Variants in TMTC1 observed in about 807,000 individuals in gnomAD.
The protein encoded by TMTC1 is protein O-mannosyl-transferase TMTC1.
A neutral mutation model predicts 104.8 loss-of-function variants in TMTC1; 73 were observed. That is an observed-to-expected ratio of 0.70 (90% CI 0.58 to 0.85). The LOEUF (loss-of-function observed/expected upper bound fraction) is 0.85. Among genes scored for constraint, TMTC1 ranks in the 40% least tolerant of loss-of-function variants. The pLI, the probability that TMTC1 is intolerant of heterozygous loss-of-function variation, is 0.00. For synonymous variants in TMTC1, 434 were observed against 428.7 expected (o/e 1.01, Z -0.15); for missense variants, 1,035 against 1,096.1 (o/e 0.94, Z 0.79).
intron 7 of TMTC1, among the ~76,000 whole-genome samples, chr12:29,590,514 T>G (rs149245311): frequency 2.0e-5 from 3 of 152,148 alleles, no homozygotes; most frequent in Non-Finnish European, 2.9e-5. Flanking sequence ...TGGCCAGGCA[T>G]GGTGGCTCAT....
intron 8 of TMTC1, among the ~76,000 whole-genome samples, chr12:29,582,489 C>T (rs1314010348): frequency 6.6e-6 from 1 of 152,226 alleles, no homozygotes; most frequent in Non-Finnish European, 1.5e-5. Context: ...TTTCCTAAGA[C>T]TTTGATGTGT....
chr12:29,742,394 A>G (rs1048581154), intron 5 of TMTC1, among the ~76,000 whole-genome samples: 18 of 152,316 alleles, frequency 1.2e-4, no homozygotes, highest in Non-Finnish European at 2.6e-4. Context: ...CTTTAATGAC[A>G]GGTCGCTCAT....
At chr12:29,507,015 A>T in intron 17 of TMTC1, 29 bp from the exon 18 acceptor site, 1 of 1,599,550 alleles carries the variant, frequency 6.3e-7, no homozygotes, top group African/African-American at 1.3e-5. Flanking sequence ...GAGCAATTAC[A>T]TTCTGATCCA....
chr12:29,511,273 A>G (rs1943828043), intron 17 of TMTC1, among the ~76,000 whole-genome samples: 1 of 151,958 alleles, frequency 6.6e-6, no homozygotes, highest in Non-Finnish European at 1.5e-5. Flanking sequence ...TCCTCCTTGT[A>G]TTAATATATC....
At chr12:29,655,020 A>C (rs1027524442) in intron 5 of TMTC1, among the ~76,000 whole-genome samples, 1 of 152,098 alleles carries the variant, frequency 6.6e-6, no homozygotes, top group African/African-American at 2.4e-5. Flanking sequence ...AGTAGCTTGG[A>C]TTACAGGCTC....
intron 9 of TMTC1, among the ~76,000 whole-genome samples, chr12:29,558,727 T>C (rs978908847): frequency 3.9e-5 from 6 of 152,206 alleles, no homozygotes; most frequent in Non-Finnish European, 5.9e-5. Context: ...CTGATCGCTT[T>C]TAATTAGCAT....
chr12:29,755,958 A>G (rs978053782), intron 3 of TMTC1, 73 bp from the exon 4 acceptor site: 13 of 1,436,824 alleles, frequency 9.0e-6, no homozygotes, highest in Non-Finnish European at 1.2e-5. Context: ...CCTCTTAAAG[A>G]TAAGATCTAA....
chr12:29,646,379 T>C (rs1408266348), intron 5 of TMTC1, among the ~76,000 whole-genome samples: 1 of 152,252 alleles, frequency 6.6e-6, no homozygotes. Context: ...TATTGGCCTT[T>C]ATGTTTCAAT....
intron 6 of TMTC1, among the ~76,000 whole-genome samples, chr12:29,617,318 T>C (rs1018952211): frequency 6.6e-6 from 1 of 152,006 alleles, no homozygotes; most frequent in African/African-American, 2.4e-5. Context: ...AAATTTCCCA[T>C]CCTCATCAAT....
intron 2 of TMTC1, among the ~76,000 whole-genome samples, chr12:29,761,386 TAAAAC>T: frequency 6.6e-6 from 1 of 152,140 alleles, no homozygotes; most frequent in Admixed American, 6.5e-5. Flanking sequence ...AGGAAGGTGA[TAAAAC>T]AAATGTGAGA....
chr12:29,736,999 TC>T (rs1942694316), intron 5 of TMTC1, among the ~76,000 whole-genome samples: 1 of 152,240 alleles, frequency 6.6e-6, no homozygotes, highest in African/African-American at 2.4e-5. Context: ...ATTGCCTCTA[TC>T]CCGCAACAGC....
At chr12:29,753,979 T>C (rs1370990929) in intron 4 of TMTC1, among the ~76,000 whole-genome samples, 1 of 152,104 alleles carries the variant, frequency 6.6e-6, no homozygotes. Flanking sequence ...CAATTCTCCT[T>C]CCTCAGCCTC....
In TMTC1 at chr12:29,667,153, A is replaced by G. The variant is rs117317315; in HGVS notation, c.939-33817T>C. ...AACAATAAAGGAAACTTAAGTGTTTATGGGTTCTCTCTTTAATGTACTTTC... is the reference window on the plus strand; with the variant it reads ...AACAATAAAGGAAACTTAAGTGTTTGTGGGTTCTCTCTTTAATGTACTTTC... On this transcript the variant is annotated intron_variant, in intron 5 of 17. Coordinates refer to ENST00000539277, the MANE Select transcript of TMTC1 (RefSeq NM_001193451.2). Among the ~76,000 whole-genome samples the G allele has an allele frequency of 1.2e-3, 186 of 152,336 alleles. 2 individuals are homozygous for G. In the East Asian group the frequency reaches 0.034, roughly 28 times the overall value.
intron 5 of TMTC1, among the ~76,000 whole-genome samples, chr12:29,714,759 C>T (rs1392580696): frequency 1.3e-5 from 2 of 152,178 alleles, no homozygotes; most frequent in Admixed American, 6.5e-5. Flanking sequence ...TTCAAATTAG[C>T]AAATGCTGGG....
chr12:29,697,971 C>A (rs1024130309), intron 5 of TMTC1, among the ~76,000 whole-genome samples: 1 of 152,026 alleles, frequency 6.6e-6, no homozygotes, highest in African/African-American at 2.4e-5. Context: ...AAGTTGATAT[C>A]CAGAAAATGT....
At chr12:29,577,616 G>A (rs2136314985) in intron 8 of TMTC1, among the ~76,000 whole-genome samples, 1 of 152,254 alleles carries the variant, frequency 6.6e-6, no homozygotes, top group Non-Finnish European at 1.5e-5. Context: ...ACAAGAGAGA[G>A]CCAAGCCTTA....
chr12:29,604,235 C>G lies in TMTC1; in HGVS notation c.1193G>C (p.Ser398Thr). 6.2e-7 allele frequency: 1 copy of G among 1,613,944 alleles called. No homozygotes were observed. Among genetic ancestry groups the G allele is most frequent in the Non-Finnish European group, 8.5e-7 (1 of 1,179,896 alleles). ...AAAACCCACCCTGAAGAAGAGGTTGCTGGCTGGAATGAACGGGAACACCAG... is the reference window on the plus strand; with the variant it reads ...AAAACCCACCCTGAAGAAGAGGTTGGTGGCTGGAATGAACGGGAACACCAG... ...LFLVFPFIPA[S>T]NLFFRVGFVV... Residue 398 changes from serine to threonine, a missense_variant, in exon 7 of 18, where the codon AGC becomes ACC. Transcript: ENST00000539277.
At position 29,633,346 on chromosome 12, in the gene TMTC1, G is replaced by A. The variant is rs111774252; in HGVS notation, c.939-10C>T. On this transcript the variant is annotated splice_polypyrimidine_tract_variant and intron_variant, in intron 5 of 17. Transcript: ENST00000539277. Reference sequence around the variant, plus strand: ...GGAATAGGTGAGGAATCTATAAAGAGAAGAAGAATCACTGAAACACTGCTC... The same window carrying A: ...GGAATAGGTGAGGAATCTATAAAGAAAAGAAGAATCACTGAAACACTGCTC... 11 of 1,589,998 alleles carry A rather than the reference G, an allele frequency of 6.9e-6. No homozygotes were observed. The African/African-American group carries it at 8.1e-5, about 12-fold the overall frequency.
At chr12:29,704,169 T>A (rs2136810753) in intron 5 of TMTC1, among the ~76,000 whole-genome samples, 1 of 152,344 alleles carries the variant, frequency 6.6e-6, no homozygotes, top group South Asian at 2.1e-4. Flanking sequence ...TTTTACCAAC[T>A]TCAGTAATAG....
Sources: gnomAD v4.1 joint callset for allele counts (sites outside exome capture counted in the v4.1 genomes callset) on GRCh38, gnomAD v4.1.1 for gene constraint, MANE v1.5 for transcripts, NCBI Gene and HGNC (gene_info 2026-07-23, HGNC 2026-07-21) for gene names.